RAI14: variants seen among roughly 807,000 people sequenced by gnomAD.
RAI14 encodes retinoic acid induced 14.
A neutral mutation model predicts 115.4 loss-of-function variants in RAI14; 45 were observed. The ratio of observed to expected loss-of-function variants is 0.39; its 90% CI spans 0.31 to 0.50. RAI14 has a LOEUF of 0.50. RAI14 is among the 20% of genes least tolerant of loss of function. RAI14 has a pLI of 0.85. For missense variants in RAI14, 939 were observed against 1,131.2 expected, an observed-to-expected ratio of 0.83 and a Z score of 2.44; for synonymous variants, 371 against 415.4, an observed-to-expected ratio of 0.89 and a Z score of 1.30.
chr5:34,682,005 G>A (rs1249407052), intron 1 of RAI14, among the ~76,000 whole-genome samples: 4 of 151,840 alleles, frequency 2.6e-5, no homozygotes, highest in Admixed American at 6.6e-5. Flanking sequence ...ACAGGCATGC[G>A]CCACCACGCC....
At chr5:34,697,610 G>A (rs960560717) in intron 2 of RAI14, among the ~76,000 whole-genome samples, 4 of 152,116 alleles carry the variant, frequency 2.6e-5, no homozygotes, top group East Asian at 1.9e-4. Context: ...CCATTTTACC[G>A]TCATAATCTT....
At chr5:34,741,225 T>G (rs1486101676) in intron 2 of RAI14, among the ~76,000 whole-genome samples, 1 of 152,220 alleles carries the variant, frequency 6.6e-6, no homozygotes, top group Non-Finnish European at 1.5e-5. Flanking sequence ...TGCCATTAAG[T>G]ACAATCTGTT....
At chr5:34,736,590 A>G (rs989479810) in intron 2 of RAI14, among the ~76,000 whole-genome samples, 1 of 152,034 alleles carries the variant, frequency 6.6e-6, no homozygotes, top group African/African-American at 2.4e-5. Flanking sequence ...TTTGACAGAG[A>G]TGAGGTCTCA....
intron 1 of RAI14, among the ~76,000 whole-genome samples, chr5:34,679,204 G>C (rs1744212532): frequency 6.6e-6 from 1 of 152,188 alleles, no homozygotes; most frequent in Non-Finnish European, 1.5e-5. Context: ...GACCCTTTTA[G>C]ACCTGGATGT....
At chr5:34,790,468 T>A (rs1301166450) in intron 3 of RAI14, among the ~76,000 whole-genome samples, 3 of 152,214 alleles carry the variant, frequency 2.0e-5, no homozygotes, top group Non-Finnish European at 4.4e-5. Context: ...TTTTATGTGA[T>A]AACTCATTGA....
chr5:34,690,240 T>G (rs1349305421), intron 2 of RAI14, among the ~76,000 whole-genome samples: 1 of 152,146 alleles, frequency 6.6e-6, no homozygotes, highest in Admixed American at 6.5e-5. Flanking sequence ...TAACCTGAAA[T>G]GTGTGGTCTG....
At chr5:34,744,663 G>GTTTTTTCTTTGCTTTTCTTT (rs1745939959) in intron 2 of RAI14, among the ~76,000 whole-genome samples, 1 of 152,188 alleles carries the variant, frequency 6.6e-6, no homozygotes, top group Non-Finnish European at 1.5e-5. Flanking sequence ...CTTTAGGCAA[G>GTTTTTTCTTTGCTTTTCTTT]ATGCTTATAT....
intron 2 of RAI14, among the ~76,000 whole-genome samples, chr5:34,739,054 G>T (rs1391088042): frequency 6.6e-6 from 1 of 152,144 alleles, no homozygotes; most frequent in Non-Finnish European, 1.5e-5. Context: ...AAAGTATATT[G>T]TGAATATGAA....
chr5:34,698,611 A>G (rs1343461622), intron 2 of RAI14, among the ~76,000 whole-genome samples: 1 of 152,110 alleles, frequency 6.6e-6, no homozygotes, highest in Non-Finnish European at 1.5e-5. Flanking sequence ...TGGGATTAAC[A>G]GAGGAAACCA....
At chr5:34,782,930 C>T (rs1244662860) in intron 3 of RAI14, among the ~76,000 whole-genome samples, 5 of 152,214 alleles carry the variant, frequency 3.3e-5, no homozygotes, top group African/African-American at 4.8e-5. Flanking sequence ...CAAACAGGTA[C>T]GTTCATTATT....
At position 34,686,967 on chromosome 5, in the gene RAI14, G is replaced by C. The variant is rs1276478212; in HGVS notation, c.36+12G>C. On this transcript the variant is annotated intron_variant, in intron 2 of 17. Transcript: ENST00000265109. ...TCAGGAAGAGTGACGTGAGTATGCG[G>C]TGACTCACAGTCTGGCTGTTCCTTC... 3 of 1,613,262 alleles carry C rather than the reference G, an allele frequency of 1.9e-6. No homozygotes were observed. Among genetic ancestry groups the C allele is most frequent in the South Asian group, 1.1e-5 (1 of 90,906 alleles).
At chr5:34,801,479 C>A (rs1374331010) in intron 4 of RAI14, among the ~76,000 whole-genome samples, 1 of 135,488 alleles carries the variant, frequency 7.4e-6, no homozygotes, top group Non-Finnish European at 1.6e-5. Flanking sequence ...CGCAGTGGCT[C>A]ATGCCTGTAA....
intron 2 of RAI14, among the ~76,000 whole-genome samples, chr5:34,702,138 A>G (rs1007295031): frequency 2.0e-5 from 3 of 152,122 alleles, no homozygotes; most frequent in African/African-American, 7.2e-5. Context: ...TTTCGTCAAC[A>G]CTATGATTTC....
intron 1 of RAI14, among the ~76,000 whole-genome samples, chr5:34,664,071 G>A (rs1742913592): frequency 6.6e-6 from 1 of 152,176 alleles, no homozygotes; most frequent in Non-Finnish European, 1.5e-5. Flanking sequence ...GCTAATCCCT[G>A]CTTCTAAATA....
Position 34,826,741 on chromosome 5 carries a change from G to A in RAI14, c.2799+262G>A, listed in dbSNP as rs548127711. On this transcript the variant is annotated intron_variant, in intron 16 of 17. Coordinates refer to ENST00000265109, the MANE Select transcript of RAI14 (RefSeq NM_015577.3). Reference sequence around the variant, plus strand: ...ACAGGACAGTAGGAGGAGGCTATGTGCTCACTCATACCCTAACTTTTTACC... The same window carrying A: ...ACAGGACAGTAGGAGGAGGCTATGTACTCACTCATACCCTAACTTTTTACC... 7.4e-4 allele frequency among the ~76,000 whole-genome samples: 112 copies of A among 152,290 alleles called. 1 individual carries two copies. The highest frequency in any genetic ancestry group is 2.5e-3 in the African/African-American group (102 of 41,548).
chr5:34,686,960 G>GT lies in RAI14; in HGVS notation c.36+6dup. 2 of 1,613,672 alleles carry GT rather than the reference G, an allele frequency of 1.2e-6. No homozygotes were observed. The highest frequency in any genetic ancestry group is 1.7e-6 in the Non-Finnish European group (2 of 1,179,794). ...GCGAAGTTCAGGAAGAGTGACGTGA[G>GT]TATGCGGTGACTCACAGTCTGGCTG... On this transcript the variant is annotated splice_donor_region_variant and intron_variant, in intron 2 of 17. Coordinates refer to ENST00000265109, the MANE Select transcript of RAI14 (RefSeq NM_015577.3).
In RAI14 at chr5:34,799,685, A is replaced by ATTTTTTT. The variant is rs57115550; in HGVS notation, c.256+3674_256+3680dup. 5.8e-5 allele frequency among the ~76,000 whole-genome samples: 6 copies of ATTTTTTT among 103,398 alleles called. 1 individual carries two copies. Among genetic ancestry groups the ATTTTTTT allele is most frequent in the African/African-American group, 7.9e-5 (2 of 25,384 alleles). The allele number at this position is 103,398 out of a possible 152,430, so 67.8% of individuals were successfully genotyped here. A position where few individuals can be genotyped will look rare whatever the true frequency, so the allele number is the denominator to read the frequency against. ...GTTATAGAAGCAAGAATCTGTTAGCATTTTTTTTTTTTTTTTTTTTTTGAC... is the reference window on the plus strand; with the variant it reads ...GTTATAGAAGCAAGAATCTGTTAGCATTTTTTTTTTTTTTTTTTTTTTTTTTTTTGAC... On this transcript the variant is annotated intron_variant, in intron 4 of 17. Transcript: ENST00000265109.
intron 2 of RAI14, among the ~76,000 whole-genome samples, chr5:34,702,717 G>A (rs898544607): frequency 6.6e-6 from 1 of 152,048 alleles, no homozygotes; most frequent in Non-Finnish European, 1.5e-5. Context: ...TAGTCTTTTT[G>A]TTTTTTTGAG....
chr5:34,727,708 G>T (rs1211871752), intron 2 of RAI14, among the ~76,000 whole-genome samples: 3 of 152,188 alleles, frequency 2.0e-5, no homozygotes, highest in Non-Finnish European at 2.9e-5. Context: ...GCTTCTGCAT[G>T]GTGTTGAGCC....
Sources: allele counts gnomAD v4.1 joint callset (sites outside exome capture counted in the v4.1 genomes callset), GRCh38; gene constraint gnomAD v4.1.1; transcripts MANE v1.5; gene names NCBI Gene and HGNC (gene_info 2026-07-23, HGNC 2026-07-21).